The following NAV3 variants were observed in gnomAD, a reference collection of about 807,000 sequenced individuals.
NAV3 encodes pore membrane and/or filament interacting like protein 1.
NAV3 carries 87 observed loss-of-function variants against 244.7 expected under a neutral mutation model. That is an observed-to-expected ratio of 0.36 (90% confidence interval 0.30 to 0.42). NAV3 has a LOEUF of 0.42. NAV3 is among the 20% of genes least tolerant of loss of function. The pLI is 1.00. For synonymous variants in NAV3, 1,126 were observed against 1,042.2 expected (o/e 1.08, Z -1.55); for missense variants, 2,663 against 2,893.3 (o/e 0.92, Z 1.83).
At chr12:78,017,262 TTAC>T (rs1876380960) in intron 8 of NAV3, among the ~76,000 whole-genome samples, 2 of 152,240 alleles carry the variant, frequency 1.3e-5, no homozygotes, top group South Asian at 4.1e-4. Context: ...TGACTTTTAA[TTAC>T]TACAACTCTC....
chr12:78,191,987 G>A (rs1959003182), intron 34 of NAV3, among the ~76,000 whole-genome samples: 1 of 152,024 alleles, frequency 6.6e-6, no homozygotes, highest in Admixed American at 6.6e-5. Flanking sequence ...AAATCGTTTT[G>A]AATTAAATAG....
chr12:77,928,222 CAAAAA>C (rs759919821), intron 1 of NAV3, among the ~76,000 whole-genome samples: 30 of 80,526 alleles, frequency 3.7e-4, no homozygotes, highest in Non-Finnish European at 5.5e-4. Context: ...GGCTCCGCCT[CAAAAA>C]AAAAAAAAAA....
At chr12:77,893,890 C>T (rs895805629) in intron 1 of NAV3, among the ~76,000 whole-genome samples, 2 of 152,170 alleles carry the variant, frequency 1.3e-5, no homozygotes, top group African/African-American at 4.8e-5. Context: ...TATTGCTCTC[C>T]TCTATCGAGT....
At chr12:78,106,820 G>A (rs915361832) in intron 12 of NAV3, among the ~76,000 whole-genome samples, 2 of 152,186 alleles carry the variant, frequency 1.3e-5, no homozygotes, top group East Asian at 1.9e-4. Flanking sequence ...CATGTAGTCA[G>A]CCCACCTCTG....
chr12:78,112,225 C>T (rs1160558759), intron 12 of NAV3, among the ~76,000 whole-genome samples: 1 of 152,160 alleles, frequency 6.6e-6, no homozygotes, highest in Non-Finnish European at 1.5e-5. Flanking sequence ...TGCCACATTG[C>T]TTGCCAGAAG....
intron 2 of NAV3, among the ~76,000 whole-genome samples, chr12:77,740,296 G>A (rs757534685): frequency 5.9e-5 from 9 of 152,134 alleles, no homozygotes; most frequent in Non-Finnish European, 1.0e-4. Context: ...CATTTCTAAT[G>A]TGGGGTAAAC....
At chr12:77,787,350 A>G (rs1870950835) in intron 2 of NAV3, among the ~76,000 whole-genome samples, 1 of 152,198 alleles carries the variant, frequency 6.6e-6, no homozygotes, top group African/African-American at 2.4e-5. Flanking sequence ...GGGGTGTATT[A>G]GTCTGTTCTC....
chr12:77,832,535 A>C (rs1412284865), intron 1 of NAV3, among the ~76,000 whole-genome samples: 1 of 152,196 alleles, frequency 6.6e-6, no homozygotes, highest in Non-Finnish European at 1.5e-5. Flanking sequence ...TATGTGGTTC[A>C]TGAGAGATTC....
At chr12:77,873,205 T>C (rs954011517) in intron 1 of NAV3, among the ~76,000 whole-genome samples, 8 of 152,210 alleles carry the variant, frequency 5.3e-5, no homozygotes, top group Non-Finnish European at 1.0e-4. Context: ...CTTATACTTC[T>C]TTTTCTAAAT....
At chr12:77,963,633 C>T (rs1431463798) in intron 3 of NAV3, among the ~76,000 whole-genome samples, 1 of 152,100 alleles carries the variant, frequency 6.6e-6, no homozygotes, top group East Asian at 1.9e-4. Flanking sequence ...ATATTGGAAA[C>T]TGTATTCAAG....
intron 2 of NAV3, among the ~76,000 whole-genome samples, chr12:77,579,494 C>G (rs149555618): frequency 6.6e-6 from 1 of 152,198 alleles, no homozygotes; most frequent in South Asian, 2.1e-4. Flanking sequence ...ACAGAAGAAG[C>G]AAGAGAGAGC....
chr12:77,839,802 G>T (rs563003036), intron 1 of NAV3, among the ~76,000 whole-genome samples: 5 of 152,286 alleles, frequency 3.3e-5, no homozygotes, highest in Middle Eastern at 3.4e-3. Flanking sequence ...AAGCATGGTG[G>T]CTCACACCTG....
At chr12:78,170,700 G>T (rs1957965207) in intron 24 of NAV3, among the ~76,000 whole-genome samples, 1 of 151,692 alleles carries the variant, frequency 6.6e-6, no homozygotes, top group African/African-American at 2.4e-5. Flanking sequence ...CCATATTTCA[G>T]CTATCCTGAA....
At position 78,021,734 on chromosome 12, in the gene NAV3, T is replaced by C. The variant is rs1877185476; in HGVS notation, c.1908-13T>C. The C allele has an allele frequency of 6.3e-7, 1 of 1,576,924 alleles. No homozygotes were observed. The highest frequency in any genetic ancestry group is 8.7e-7 in the Non-Finnish European group (1 of 1,148,338). ...TAACTGCTATTTCTTTCTATTTTCA[T>C]GGTTAATTTCAGGGCACATTCAGAA... On this transcript the variant is annotated splice_polypyrimidine_tract_variant and intron_variant, in intron 8 of 39. Transcript: ENST00000397909.
At chr12:78,206,244 G>T (rs1439228450) in intron 39 of NAV3, among the ~76,000 whole-genome samples, 1 of 152,058 alleles carries the variant, frequency 6.6e-6, no homozygotes, top group Non-Finnish European at 1.5e-5. Flanking sequence ...TAAGAGCCCA[G>T]ACTTATATTT....
chr12:77,735,650 T>TA (rs1003748013), intron 2 of NAV3, among the ~76,000 whole-genome samples: 3 of 152,110 alleles, frequency 2.0e-5, no homozygotes, highest in Non-Finnish European at 2.9e-5. Flanking sequence ...ACTATGATCA[T>TA]AAAAAAATGA....
chr12:78,167,879 C>CT (rs890835369), intron 23 of NAV3, among the ~76,000 whole-genome samples: 2 of 151,354 alleles, frequency 1.3e-5, no homozygotes, highest in Non-Finnish European at 1.5e-5. Context: ...TTCTTTCTAT[C>CT]TTTTTTTGAG....
intron 2 of NAV3, among the ~76,000 whole-genome samples, chr12:77,586,872 T>C (rs1321883854): frequency 6.6e-6 from 1 of 152,158 alleles, no homozygotes; most frequent in African/African-American, 2.4e-5. Context: ...GCTGCTGAAA[T>C]GTTCTGGTGA....
intron 1 of NAV3, among the ~76,000 whole-genome samples, chr12:77,880,568 A>G (rs563808403): frequency 2.0e-5 from 3 of 152,214 alleles, no homozygotes; most frequent in South Asian, 4.1e-4. Flanking sequence ...TACTCTGCCA[A>G]TTATGACCAG....
Sources: allele counts gnomAD v4.1 joint callset (sites outside exome capture counted in the v4.1 genomes callset), GRCh38; gene constraint gnomAD v4.1.1; transcripts MANE v1.5; gene names NCBI Gene and HGNC (gene_info 2026-07-23, HGNC 2026-07-21).